Variants in FHOD3 observed in about 807,000 individuals in gnomAD.
FHOD3 encodes FH1/FH2 domain-containing protein 3.
A neutral mutation model predicts 173.0 loss-of-function variants in FHOD3; 90 were observed. That is an observed-to-expected ratio of 0.52 (90% CI 0.44 to 0.62). The LOEUF is 0.62. FHOD3 is among the 20% of genes least tolerant of loss of function. FHOD3 has a pLI of 0.00. For synonymous variants in FHOD3, 828 were observed against 823.0 expected (o/e 1.01, Z -0.10); for missense variants, 1,945 against 2,034.7 (o/e 0.96, Z 0.85).
At chr18:36,620,551 C>T (rs1327364545) in intron 9 of FHOD3, among the ~76,000 whole-genome samples, 1 of 152,212 alleles carries the variant, frequency 6.6e-6, no homozygotes, top group Non-Finnish European at 1.5e-5. Flanking sequence ...AGCCATATGT[C>T]TCATGCCTCT....
intron 5 of FHOD3, among the ~76,000 whole-genome samples, chr18:36,574,529 T>A (rs147430595): frequency 6.6e-6 from 1 of 152,250 alleles, no homozygotes; most frequent in Non-Finnish European, 1.5e-5. Flanking sequence ...TAATTTTATA[T>A]CAAACTTTCA....
intron 7 of FHOD3, among the ~76,000 whole-genome samples, chr18:36,599,506 T>C (rs2031031287): frequency 1.3e-5 from 2 of 152,204 alleles, no homozygotes; most frequent in Admixed American, 6.5e-5. Context: ...TCCACTGTTA[T>C]TTATAGCAGA....
chr18:36,475,490 G>C (rs1220987193), intron 3 of FHOD3, among the ~76,000 whole-genome samples: 1 of 151,682 alleles, frequency 6.6e-6, no homozygotes, highest in Non-Finnish European at 1.5e-5. Flanking sequence ...TTGGGTGCGG[G>C]GTGGGAGGTG....
chr18:36,432,458 G>A (rs573838287), intron 3 of FHOD3, among the ~76,000 whole-genome samples: 2 of 152,230 alleles, frequency 1.3e-5, no homozygotes, highest in South Asian at 4.1e-4. Flanking sequence ...TTTTTTCCTA[G>A]CAAAGTGGGC....
chr18:36,752,636 T>C (rs1329649187), intron 24 of FHOD3, among the ~76,000 whole-genome samples: 1 of 152,262 alleles, frequency 6.6e-6, no homozygotes, highest in Non-Finnish European at 1.5e-5. Context: ...TTCAAATGTA[T>C]ATCTGGATCT....
At chr18:36,571,479 C>T (rs1437365458) in intron 5 of FHOD3, among the ~76,000 whole-genome samples, 2 of 152,122 alleles carry the variant, frequency 1.3e-5, no homozygotes, top group Admixed American at 1.3e-4. Context: ...AACATTATTT[C>T]CAGAAAGATT....
rs1347581552 is a variant in FHOD3, at chr18:36,730,750, T to C, written c.3522T>C (p.Ile1174=). 6.2e-7 allele frequency: 1 copy of C among 1,614,168 alleles called. No individual in the cohort carries two copies. Among genetic ancestry groups the C allele is most frequent in the Non-Finnish European group, 8.5e-7 (1 of 1,180,024 alleles). ...CGGTGCTGCCCCCTCCAAGGACGAT[T>C]AAGATCGCCATTTTGAATTTTGATG... The part of the protein sequence containing the change: ...GLTVLPPPRT[I]KIAILNFDEY... Residue 1174 remains isoleucine (I), a synonymous_variant, in exon 20 of 29, where the codon ATT becomes ATC. Transcript: ENST00000590592.
intron 1 of FHOD3, among the ~76,000 whole-genome samples, chr18:36,321,661 A>G (rs529589833): frequency 6.6e-6 from 1 of 152,264 alleles, no homozygotes; most frequent in South Asian, 2.1e-4. Context: ...GGAGTGGCAG[A>G]CACTCCTTTG....
At chr18:36,351,095 G>A (rs2145682396) in intron 1 of FHOD3, among the ~76,000 whole-genome samples, 1 of 152,242 alleles carries the variant, frequency 6.6e-6, no homozygotes, top group East Asian at 1.9e-4. Context: ...GGTGTGTGTT[G>A]ACTCGTTTGC....
At chr18:36,445,774 G>A (rs1308514198) in intron 3 of FHOD3, among the ~76,000 whole-genome samples, 1 of 152,190 alleles carries the variant, frequency 6.6e-6, no homozygotes, top group Non-Finnish European at 1.5e-5. Flanking sequence ...TTGCCCCATT[G>A]GTGGGTTCCA....
intron 3 of FHOD3, among the ~76,000 whole-genome samples, chr18:36,413,219 G>A (rs1447660376): frequency 6.6e-6 from 1 of 152,204 alleles, no homozygotes; most frequent in African/African-American, 2.4e-5. Flanking sequence ...AGATGCCTTG[G>A]TGATGGGTGG....
chr18:36,309,528 A>G (rs1017157275), intron 1 of FHOD3, among the ~76,000 whole-genome samples: 11 of 152,188 alleles, frequency 7.2e-5, no homozygotes, highest in African/African-American at 2.7e-4. Flanking sequence ...CCCATATCAG[A>G]TCATAGCTTC....
chr18:36,372,673 T>C lies in FHOD3; in HGVS notation c.273-7T>C. ...TGATGCCCCTGTTTTGTCTCCTGTC[T>C]CGTTAGGCGGGGCAAGAAGCACAGC... On this transcript the variant is annotated splice_region_variant and splice_polypyrimidine_tract_variant and intron_variant, in intron 2 of 28. Coordinates refer to ENST00000590592, the MANE Select transcript of FHOD3 (RefSeq NM_001281740.3). The C allele has an allele frequency of 6.2e-7, 1 of 1,613,778 alleles. No individual in the cohort carries two copies. The highest frequency in any genetic ancestry group is 8.5e-7 in the Non-Finnish European group (1 of 1,179,820).
intron 1 of FHOD3, 94 bp downstream of exon 1, chr18:36,298,094 G>C (rs1414076420): frequency 9.3e-6 from 11 of 1,178,862 alleles, no homozygotes; most frequent in African/African-American, 1.6e-5. Flanking sequence ...GGCCCCCTGG[G>C]CTGGGCTGGG....
intron 1 of FHOD3, among the ~76,000 whole-genome samples, chr18:36,331,252 G>A (rs112923782): frequency 0.012 from 1,758 of 152,342 alleles, 36 homozygotes; most frequent in African/African-American, 0.04. Context: ...GAATATTCAA[G>A]AGGGGGGTTT....
chr18:36,755,236 A>C lies in FHOD3; in HGVS notation c.4350A>C (p.Glu1450Asp), dbSNP rs748677167. The change falls in exon 25 of 29, where the codon GAA becomes GAC. Residue 1450 changes from glutamate (E) to aspartate (D), a missense_variant. Glu to Asp is a conservative substitution (Grantham distance 45). Around this residue, in one of 5 missense-constraint regions of FHOD3, gnomAD observed 354 missense variants for 359.9 expected, o/e 0.98. Transcript: ENST00000590592. Reference sequence around the variant, plus strand: ...CACTAGAGTATCGCACAACCAGGGAAAGGGTTTTGCAGCAGAAACAGAAAC... The same window carrying C: ...CACTAGAGTATCGCACAACCAGGGACAGGGTTTTGCAGCAGAAACAGAAAC... ...EFALEYRTTR[E>D]RVLQQKQKRA... is the part of the protein sequence containing the mutation. The C allele has an allele frequency of 1.9e-5, 30 of 1,612,748 alleles. No homozygotes were observed. Among genetic ancestry groups the C allele is most frequent in the Non-Finnish European group, 2.5e-5 (30 of 1,179,458 alleles).
chr18:36,438,780 G>A (rs1306405406), intron 3 of FHOD3, among the ~76,000 whole-genome samples: 2 of 152,160 alleles, frequency 1.3e-5, no homozygotes, highest in African/African-American at 4.8e-5. Context: ...TCTTCATCCT[G>A]TCTTCAGGCT....
intron 28 of FHOD3, among the ~76,000 whole-genome samples, chr18:36,772,859 AG>A (rs1485028296): frequency 6.6e-6 from 1 of 152,350 alleles, no homozygotes; most frequent in East Asian, 1.9e-4. Flanking sequence ...ATTCTATCCA[AG>A]GATCTCCAGT....
intron 28 of FHOD3, among the ~76,000 whole-genome samples, chr18:36,773,414 C>T (rs564211804): frequency 3.9e-4 from 59 of 152,286 alleles, no homozygotes; most frequent in Non-Finnish European, 5.4e-4. Flanking sequence ...TGCACCTGAC[C>T]GAAGGATGTT....
Sources: gnomAD v4.1 joint callset for allele counts (sites outside exome capture counted in the v4.1 genomes callset) on GRCh38, gnomAD v4.1.1 for gene constraint, gnomAD v4.1.1 regional missense constraint, MANE v1.5 for transcripts, NCBI Gene and HGNC (gene_info 2026-07-23, HGNC 2026-07-21) for gene names.